The following CCDC57 variants were observed in gnomAD, a reference collection of about 807,000 sequenced individuals.
CCDC57 encodes the protein coiled-coil domain-containing protein 57.
CCDC57 carries 118 observed loss-of-function variants against 118.9 expected under a neutral mutation model. That is an observed-to-expected ratio of 0.99 (90% confidence interval 0.86 to 1.16). The LOEUF (loss-of-function observed/expected upper bound fraction) is 1.16, where lower values mean the gene tolerates loss of function less well. Ranked by LOEUF, CCDC57 falls within the 50% of genes most tolerant of loss-of-function variation. CCDC57 has a pLI of 0.00. For missense variants in CCDC57, 1,300 were observed against 1,320.7 expected, an observed-to-expected ratio of 0.98 and a Z score of 0.24; for synonymous variants, 527 against 532.9, an observed-to-expected ratio of 0.99 and a Z score of 0.15.
intron 13 of CCDC57, among the ~76,000 whole-genome samples, chr17:82,168,990 A>G (rs1028169417): frequency 6.6e-6 from 1 of 152,242 alleles, no homozygotes; most frequent in African/African-American, 2.4e-5. Context: ...TGAAATGCTG[A>G]AAGTTCTTCC....
chr17:82,102,874 A>G (rs2034552387), intron 19 of CCDC57, among the ~76,000 whole-genome samples: 1 of 149,122 alleles, frequency 6.7e-6, no homozygotes, highest in African/African-American at 2.5e-5. Flanking sequence ...GGACAAGGGC[A>G]AACTCTATCT....
intron 19 of CCDC57, among the ~76,000 whole-genome samples, chr17:82,109,606 C>T (rs1373830256): frequency 6.6e-6 from 1 of 152,056 alleles, no homozygotes; most frequent in Admixed American, 6.6e-5. Flanking sequence ...ACCTGTGATC[C>T]CAGCACTTTG....
chr17:82,160,151 T>C (rs2043144331), intron 14 of CCDC57: 1 of 152,244 alleles, frequency 6.6e-6, no homozygotes. Flanking sequence ...TTTATGTATT[T>C]ACAATGCGAG....
intron 15 of CCDC57, chr17:82,157,430 T>G: frequency 7.6e-7 from 1 of 1,321,272 alleles, no homozygotes; most frequent in Non-Finnish European, 9.7e-7. Context: ...AAAGCAAACA[T>G]GAGCCACCTT....
At chr17:82,151,434 CACAT>C in intron 16 of CCDC57, 122 bp downstream of exon 15, 4 of 601,324 alleles carry the variant, frequency 6.7e-6, no homozygotes, top group Non-Finnish European at 7.2e-6. Context: ...GAATCTGACC[CACAT>C]CCAGAACCTG....
At chr17:82,178,646 G>T in intron 10 of CCDC57, 41 bp from the exon 10 acceptor site, 1 of 1,599,522 alleles carries the variant, frequency 6.3e-7, no homozygotes, top group Non-Finnish European at 8.5e-7. Flanking sequence ...GTGGATGACC[G>T]GGCAGCTCCC....
At chr17:82,105,874 C>T (rs952470587) in intron 19 of CCDC57, among the ~76,000 whole-genome samples, 1 of 152,240 alleles carries the variant, frequency 6.6e-6, no homozygotes, top group Admixed American at 6.5e-5. Context: ...TGCTCCAGGG[C>T]TCTGGGCAGT....
chr17:82,135,523 G>C (rs77706446), intron 16 of CCDC57: 3 of 152,294 alleles, frequency 2.0e-5, no homozygotes, highest in African/African-American at 7.2e-5. Flanking sequence ...GACATCCCGA[G>C]ATGGGCCCTC....
intron 19 of CCDC57, among the ~76,000 whole-genome samples, chr17:82,103,138 C>T (rs545909583): frequency 3.3e-5 from 5 of 152,350 alleles, no homozygotes; most frequent in South Asian, 2.1e-4. Flanking sequence ...CCGGCAATGA[C>T]GCACTCTCAG....
intron 9 of CCDC57, among the ~76,000 whole-genome samples, chr17:82,183,252 T>C (rs528305828): frequency 1.6e-4 from 25 of 152,182 alleles, no homozygotes; most frequent in Non-Finnish European, 3.4e-4. Context: ...GTATGGGAAA[T>C]AGAATGCTAT....
exon 6 of CCDC57, chr17:82,193,999 C>A (rs913673900): frequency 1.2e-6 from 2 of 1,611,702 alleles, no homozygotes. Context: ...GGCTCATGGC[C>A]TCCAGGTCCT....
rs370891222 is a variant in CCDC57, at chr17:82,188,639, G to A, written c.852-220C>T. Among the ~76,000 whole-genome samples the A allele has an allele frequency of 2.0e-5, 3 of 152,238 alleles. No homozygotes were observed. The South Asian group carries it at 6.2e-4, about 31-fold the overall frequency. ...CCAGGCCCCTGGCCTGCCCTCCAGA[G>A]CCCACAGCCCCCTGGAGAAGGACAC... On this transcript the variant is annotated intron_variant, in intron 7 of 19. Coordinates refer to ENST00000665763, the Ensembl canonical transcript of CCDC57.
exon 20 of CCDC57, chr17:82,101,558 C>A (rs531111767): frequency 3.7e-6 from 3 of 819,254 alleles, no homozygotes; most frequent in Non-Finnish European, 5.6e-6. Context: ...GGGAGCCTGC[C>A]CTGCAGCTCC....
chr17:82,195,468 T>A, intron 4 of CCDC57, 104 bp from the exon 4 acceptor site: 1 of 859,870 alleles, frequency 1.2e-6, no homozygotes, highest in Non-Finnish European at 1.9e-6. Flanking sequence ...ACACAGTGTT[T>A]AACAGAGAAG....
At chr17:82,204,162 G>A (rs1328672839) in intron 2 of CCDC57, among the ~76,000 whole-genome samples, 2 of 152,056 alleles carry the variant, frequency 1.3e-5, no homozygotes, top group Admixed American at 1.3e-4. Context: ...TGCTTCCTGC[G>A]ATGCAACCCC....
At chr17:82,166,557 C>T (rs573775430) in intron 13 of CCDC57, among the ~76,000 whole-genome samples, 73 of 152,000 alleles carry the variant, frequency 4.8e-4, no homozygotes, top group Middle Eastern at 3.4e-3. Context: ...CTCCAGCAAG[C>T]AATTTAATAC....
At chr17:82,166,507 C>G (rs752839066) in intron 13 of CCDC57, among the ~76,000 whole-genome samples, 3 of 151,386 alleles carry the variant, frequency 2.0e-5, no homozygotes, top group Non-Finnish European at 4.4e-5. Flanking sequence ...AGATCGAGAC[C>G]CTGTCTCTAA....
At chr17:82,103,718 G>T (rs1238028445) in intron 19 of CCDC57, among the ~76,000 whole-genome samples, 1 of 152,190 alleles carries the variant, frequency 6.6e-6, no homozygotes, top group African/African-American at 2.4e-5. Flanking sequence ...AGGGAGGGGG[G>T]TGAAGGGCCT....
intron 2 of CCDC57, among the ~76,000 whole-genome samples, chr17:82,202,815 A>G (rs181435576): frequency 2.0e-5 from 3 of 152,292 alleles, no homozygotes; most frequent in Admixed American, 1.3e-4. Flanking sequence ...AAGATGGGAA[A>G]CATGGTTTGT....
Sources: allele counts gnomAD v4.1 joint callset (sites outside exome capture counted in the v4.1 genomes callset), GRCh38; gene constraint gnomAD v4.1.1; transcripts MANE v1.5; gene names NCBI Gene and HGNC (gene_info 2026-07-23, HGNC 2026-07-21).